Variants in RASAL1 observed in about 807,000 individuals in gnomAD.
The protein encoded by RASAL1 is rasGAP-activating-like protein 1.
A neutral mutation model predicts 96.6 loss-of-function variants in RASAL1; 72 were observed. The ratio of observed to expected loss-of-function variants is 0.75; its 90% CI spans 0.62 to 0.91. The LOEUF (loss-of-function observed/expected upper bound fraction) is 0.91. RASAL1 is among the 40% of genes least tolerant of loss of function. The pLI, the probability that RASAL1 is intolerant of heterozygous loss-of-function variation, is 0.00. For synonymous variants in RASAL1, 405 were observed against 430.4 expected (o/e 0.94, Z 0.73); for missense variants, 1,016 against 1,072.5 (o/e 0.95, Z 0.74).
At chr12:113,134,626 T>G (rs747272600) in intron 1 of RASAL1, among the ~76,000 whole-genome samples, 1 of 152,198 alleles carries the variant, frequency 6.6e-6, no homozygotes, top group Non-Finnish European at 1.5e-5. Context: ...CAGAGCCCCT[T>G]CTGGGCACTA....
intron 19 of RASAL1, among the ~76,000 whole-genome samples, chr12:113,101,272 C>T (rs1592872104): frequency 6.6e-6 from 1 of 152,120 alleles, no homozygotes; most frequent in Non-Finnish European, 1.5e-5. Context: ...AAAAACTAGT[C>T]AGGCGTGGTG....
Position 113,128,128 on chromosome 12 carries a change from G to A in RASAL1, c.173C>T (p.Thr58Met), listed in dbSNP as rs34598602. Residue 58 changes from threonine to methionine, a missense_variant, in exon 3 of 21, where the codon ACG (threonine) becomes ATG (methionine). Physicochemically the swap from Thr to Met is moderately conservative, Grantham distance 81. Transcript: ENST00000548055. ...SLGPFWGEEY[T>M]VHLPLDFHQL... ...GTGGAAATCCAGAGGCAGGTGCACC[G>A]TGTACTCCTCCCCCCAGAAGGGGCC... is the stretch of plus-strand genomic sequence containing the variant. 102,112 of 1,613,598 alleles carry A rather than the reference G, an allele frequency of 0.063. 3,701 individuals are homozygous for A. The highest frequency in any genetic ancestry group is 0.071 in the Non-Finnish European group (83,993 of 1,179,778).
chr12:113,136,622 T>C (rs1951924288), upstream of RASAL1, among the ~76,000 whole-genome samples: 1 of 152,262 alleles, frequency 6.6e-6, no homozygotes, highest in Non-Finnish European at 1.5e-5. Flanking sequence ...TCAACCTCTC[T>C]GTGCTTTGGT....
chr12:113,104,866 G>A (rs1466504032), intron 16 of RASAL1, among the ~76,000 whole-genome samples: 3 of 152,136 alleles, frequency 2.0e-5, no homozygotes, highest in Non-Finnish European at 4.4e-5. Flanking sequence ...CCACTTCTAT[G>A]GTACTTGGGA....
chr12:113,131,285 A>C (rs1951700842), intron 1 of RASAL1, among the ~76,000 whole-genome samples: 1 of 151,456 alleles, frequency 6.6e-6, no homozygotes, highest in South Asian at 2.1e-4. Flanking sequence ...TGGCTTCACC[A>C]CCCTCTGGCT....
intron 1 of RASAL1, among the ~76,000 whole-genome samples, chr12:113,133,281 C>T (rs1398219766): frequency 6.6e-6 from 1 of 152,246 alleles, no homozygotes; most frequent in East Asian, 1.9e-4. Flanking sequence ...CTTGTGGCCT[C>T]TCCCACGGCC....
At chr12:113,103,249 G>A (rs1477277211) in intron 18 of RASAL1, 1 of 150,050 alleles carries the variant, frequency 6.7e-6, no homozygotes, top group African/African-American at 2.5e-5. Flanking sequence ...TATTTACAAT[G>A]TTATACATTG....
intron 18 of RASAL1, 39 bp from the exon 19 acceptor site, chr12:113,102,048 C>T: frequency 6.3e-7 from 1 of 1,596,900 alleles, no homozygotes. Context: ...AACTCCCTCT[C>T]CCCTTCCAGA....
chr12:113,122,565 T>A (rs1425078197), intron 4 of RASAL1, among the ~76,000 whole-genome samples: 4 of 152,136 alleles, frequency 2.6e-5, no homozygotes, highest in African/African-American at 9.7e-5. Context: ...ACTCAAGCCA[T>A]CTGCCTGCCT....
intron 6 of RASAL1, 36 bp downstream of exon 6, chr12:113,119,326 C>T: frequency 6.2e-7 from 1 of 1,613,072 alleles, no homozygotes; most frequent in Non-Finnish European, 8.5e-7. Flanking sequence ...CCACCAAATG[C>T]CCCACTCCTT....
At chr12:113,126,688 T>TCACA (rs71455143) in intron 4 of RASAL1, among the ~76,000 whole-genome samples, 5,986 of 138,950 alleles carry the variant, frequency 0.043, 130 homozygotes, top group Middle Eastern at 0.087. Context: ...TCTCTCTCTC[T>TCACA]CACACACACA....
intron 3 of RASAL1, 46 bp downstream of exon 3, chr12:113,128,019 G>T (rs957747459): frequency 8.2e-6 from 13 of 1,594,204 alleles, no homozygotes; most frequent in Non-Finnish European, 1.1e-5. Context: ...CAGGTGCCCA[G>T]GCTTGGGTCC....
Position 113,101,991 on chromosome 12 carries a change from G to C in RASAL1, c.2123C>G (p.Thr708Arg). 2 of 1,613,936 alleles carry C rather than the reference G, an allele frequency of 1.2e-6. No individual in the cohort carries two copies. The highest frequency in any genetic ancestry group is 2.2e-5 in the South Asian group (2 of 91,074). Residue 708 changes from threonine to arginine, a missense_variant, in exon 19 of 21, where the codon ACA (threonine) becomes AGA (arginine). Physicochemically the swap from Thr to Arg is moderately conservative, Grantham distance 71. Transcript: ENST00000548055. ...GTCCCCCAGGGTGACAGCTGAGTGT[G>C]TACGGCTGCAGCCGGCGGCTGAGGG... Reference protein sequence around the residue: ...AERSAAGCSRTHSAVTLGDWS... With the variant: ...AERSAAGCSRRHSAVTLGDWS...
At chr12:113,112,540 C>A (rs1161029301) in intron 12 of RASAL1, among the ~76,000 whole-genome samples, 1 of 152,192 alleles carries the variant, frequency 6.6e-6, no homozygotes, top group African/African-American at 2.4e-5. Flanking sequence ...CCTTCCTCAC[C>A]CCCTGCAAGT....
Position 113,105,733 on chromosome 12 carries a change from GAGA to G in RASAL1, c.1808_1810del (p.Phe603del), listed in dbSNP as rs764274341. 3.7e-6 allele frequency: 6 copies of G among 1,611,134 alleles called. No individual in the cohort carries two copies. Among genetic ancestry groups the G allele is most frequent in the African/African-American group, 1.3e-5 (1 of 74,884 alleles). On this transcript the variant is annotated inframe_deletion, in exon 16 of 21. Transcript: ENST00000548055. ...CCCCACCTGCCACTCAGGACTCTTG[GAGA>G]AGGAGAGGGTCTCCCCGCTGAGCCA...
chr12:113,120,460 G>A (rs747491255), intron 5 of RASAL1, among the ~76,000 whole-genome samples: 4 of 152,138 alleles, frequency 2.6e-5, no homozygotes, highest in South Asian at 2.1e-4. Context: ...ATCTGGAGGC[G>A]GTGGGAGAGG....
Position 113,135,685 on chromosome 12 carries a change from T to C in RASAL1, c.-223A>G. ...CGGACTCTACAGGTAGGAGCCGTGCTCCGAGCAGGAGGAGCGCGCAGGGGG... is the reference window on the plus strand; with the variant it reads ...CGGACTCTACAGGTAGGAGCCGTGCCCCGAGCAGGAGGAGCGCGCAGGGGG... On this transcript the variant is annotated 5_prime_UTR_variant, in exon 1 of 21. Coordinates refer to ENST00000548055, the MANE Select transcript of RASAL1 (RefSeq NM_001301202.2). The surrounding 1 kb of genome is among the most constrained non-coding windows in gnomAD (Gnocchi z 5.7). The C allele has an allele frequency of 5.3e-6, 2 of 379,354 alleles. No individual in the cohort carries two copies. Among genetic ancestry groups the C allele is most frequent in the Non-Finnish European group, 9.8e-6 (2 of 204,520 alleles). 23.5% of individuals were successfully genotyped at this position (379,354 alleles called of 1,614,324 possible).
At position 113,121,630 on chromosome 12, in the gene RASAL1, T is replaced by A. The variant is rs1273953214; in HGVS notation, c.307A>T (p.Ser103Cys). 1 of 1,614,098 alleles carries A rather than the reference T, an allele frequency of 6.2e-7. No homozygotes were observed. The highest frequency in any genetic ancestry group is 8.5e-7 in the Non-Finnish European group (1 of 1,180,042). Residue 103 changes from serine (S) to cysteine (C), a missense_variant, in exon 5 of 21, where the codon AGC becomes TGC. Ser to Cys is a moderately radical substitution (Grantham distance 112). Coordinates refer to ENST00000548055, the MANE Select transcript of RASAL1 (RefSeq NM_001301202.2). Reference protein sequence around the residue: ...AITADPRGIDSWINLSRVDPD... With the variant: ...AITADPRGIDCWINLSRVDPD... ...TCCACTCGGCTCAAGTTAATCCAGC[T>A]GTCAATCCCTGAAGGGCACAGGCAC...
Position 113,107,099 on chromosome 12 carries a change from T to C in RASAL1, c.1655A>G (p.Glu552Gly), listed in dbSNP as rs1592895354. ...LDRLVDVDGD[E>G]EAGVPARALF... ...GTGGCCGGACCACAGGAACTCACCT[T>C]CATCCCCATCCACATCCACCAGCCG... The change falls in exon 15 of 21, where the codon GAA (glutamate) becomes GGA (glycine). Residue 552 changes from glutamate to glycine, a missense_variant and splice_region_variant. Physicochemically the swap from Glu to Gly is moderately conservative, Grantham distance 98. Coordinates refer to ENST00000548055, the MANE Select transcript of RASAL1 (RefSeq NM_001301202.2). 1 of 1,611,144 alleles carries C rather than the reference T, an allele frequency of 6.2e-7. No individual in the cohort carries two copies. The highest frequency in any genetic ancestry group is 8.5e-7 in the Non-Finnish European group (1 of 1,178,420).
Sources: gnomAD v4.1 joint callset for allele counts (sites outside exome capture counted in the v4.1 genomes callset) on GRCh38, gnomAD v4.1.1 for gene constraint, Gnocchi (gnomAD v3.1) non-coding constraint, MANE v1.5 for transcripts, NCBI Gene and HGNC (gene_info 2026-07-23, HGNC 2026-07-21) for gene names.